The following UBE2F variants were observed in gnomAD, a reference collection of about 807,000 sequenced individuals.
The protein encoded by UBE2F is ubiquitin conjugating enzyme E2 F (putative), also known as NEDD8-conjugating enzyme UBE2F.
A neutral mutation model predicts 29.6 loss-of-function variants in UBE2F; 5 were observed. The ratio of observed to expected loss-of-function variants is 0.17; its 90% CI spans 0.09 to 0.36. The LOEUF is 0.36. Among genes scored for constraint, UBE2F ranks in the 10% least tolerant of loss-of-function variants. The pLI is 1.00. For missense variants in UBE2F, 141 were observed against 228.5 expected (o/e 0.62, Z 2.47); for synonymous variants, 66 against 81.8 (o/e 0.81, Z 1.04).
chr2:237,981,289 G>A (rs2063371251), intron 2 of UBE2F, among the ~76,000 whole-genome samples: 1 of 152,156 alleles, frequency 6.6e-6, no homozygotes, highest in African/African-American at 2.4e-5. Flanking sequence ...TGATGTTAGT[G>A]AATTCTAATT....
chr2:238,034,837 C>T (rs114703917), intron 8 of UBE2F, among the ~76,000 whole-genome samples: 4,037 of 152,190 alleles, frequency 0.027, 172 homozygotes, highest in African/African-American at 0.093. Context: ...ATCCTACAGC[C>T]TGCGTTGGAA....
At chr2:237,973,937 A>G (rs1298905370) in intron 2 of UBE2F, among the ~76,000 whole-genome samples, 2 of 152,144 alleles carry the variant, frequency 1.3e-5, no homozygotes, top group Non-Finnish European at 2.9e-5. Context: ...ATGAAGAAAC[A>G]GTTGCAACCT....
chr2:238,012,477 A>G (rs2064058248), intron 4 of UBE2F, among the ~76,000 whole-genome samples: 1 of 152,224 alleles, frequency 6.6e-6, no homozygotes, highest in Admixed American at 6.5e-5. Context: ...TGAGAGAAAC[A>G]GCAGTATTAT....
At chr2:237,979,373 G>A (rs1453957889) in intron 2 of UBE2F, among the ~76,000 whole-genome samples, 3 of 152,204 alleles carry the variant, frequency 2.0e-5, no homozygotes, top group Non-Finnish European at 4.4e-5. Flanking sequence ...TCACAGGTGG[G>A]ACCCCTCACC....
chr2:237,997,813 C>T (rs759018039), intron 4 of UBE2F, among the ~76,000 whole-genome samples: 30 of 151,996 alleles, frequency 2.0e-4, no homozygotes, highest in Non-Finnish European at 1.6e-4. Context: ...TAGAGAAAAA[C>T]ATGGAAATGT....
chr2:237,974,015 A>G lies in UBE2F; in HGVS notation c.118+790A>G, dbSNP rs143448595. Among the ~76,000 whole-genome samples, 294 of 152,224 alleles carry G rather than the reference A, an allele frequency of 1.9e-3. 2 individuals are homozygous for G. Among genetic ancestry groups the G allele is most frequent in the African/African-American group, 6.7e-3 (278 of 41,532 alleles). On this transcript the variant is annotated intron_variant, in intron 2 of 9. Coordinates refer to ENST00000272930, the MANE Select transcript of UBE2F (RefSeq NM_080678.3). ...TGTATTTTATTTATTTATTTTTTTG[A>G]GACAGAGTCTCACTCTCACCCAGGC...
Position 238,032,228 on chromosome 2 carries a change from G to T in UBE2F, c.418G>T (p.Val140Phe). Reference protein sequence around the residue: ...WAPTRTLKDVVWGLNSLFTDL... With the variant: ...WAPTRTLKDVFWGLNSLFTDL... The stretch of plus-strand genomic sequence containing the variant: ...GTTTTCTTTTTTATTTCAGGATGTC[G>T]TTTGGGGATTAAACTCTTTGTTTAC... The change falls in exon 8 of 10, where the codon GTT becomes TTT. Residue 140 changes from valine (V) to phenylalanine (F), a missense_variant. Val to Phe is a conservative substitution (Grantham distance 50). Coordinates refer to ENST00000272930, the MANE Select transcript of UBE2F (RefSeq NM_080678.3). The T allele has an allele frequency of 6.2e-7, 1 of 1,613,004 alleles. No homozygotes were observed. Among genetic ancestry groups the T allele is most frequent in the East Asian group, 2.2e-5 (1 of 44,872 alleles).
At chr2:238,021,018 G>A (rs1006054372) in intron 5 of UBE2F, among the ~76,000 whole-genome samples, 1 of 152,186 alleles carries the variant, frequency 6.6e-6, no homozygotes, top group Non-Finnish European at 1.5e-5. Context: ...GGAGGAGAGA[G>A]CCTTAGCCCA....
chr2:238,009,443 A>G (rs776117873), intron 4 of UBE2F, among the ~76,000 whole-genome samples: 1 of 152,090 alleles, frequency 6.6e-6, no homozygotes, highest in Non-Finnish European at 1.5e-5. Flanking sequence ...TCTGTGCCTC[A>G]TTTTGGACAG....
chr2:237,986,579 C>A (rs745462470), intron 2 of UBE2F, among the ~76,000 whole-genome samples: 11 of 152,160 alleles, frequency 7.2e-5, no homozygotes, highest in Non-Finnish European at 1.3e-4. Context: ...TCAAAAAAAT[C>A]ATTGCCAAGG....
chr2:237,987,915 A>G, intron 2 of UBE2F, 48 bp from the exon 3 acceptor site: 1 of 1,027,016 alleles, frequency 9.7e-7, no homozygotes, highest in Non-Finnish European at 1.4e-6. Flanking sequence ...TGGTGATTTT[A>G]TGTGGAGTAA....
intron 2 of UBE2F, chr2:237,986,037 G>T: frequency 2.0e-5 from 4 of 196,104 alleles, no homozygotes; most frequent in South Asian, 1.3e-4. Context: ...ATTTTTTTTT[G>T]CTATTGAGTT....
At chr2:238,015,922 A>G (rs558105415) in intron 4 of UBE2F, among the ~76,000 whole-genome samples, 4 of 152,074 alleles carry the variant, frequency 2.6e-5, no homozygotes, top group African/African-American at 7.2e-5. Context: ...GGCGGGGTAA[A>G]GAGGGAGTGG....
intron 4 of UBE2F, among the ~76,000 whole-genome samples, chr2:238,005,956 G>T (rs1217942910): frequency 6.6e-6 from 1 of 152,176 alleles, no homozygotes; most frequent in Non-Finnish European, 1.5e-5. Flanking sequence ...AACTTGCTGA[G>T]ATTTTGATTA....
chr2:237,983,210 A>G lies in UBE2F; in HGVS notation c.119-4753A>G, dbSNP rs767532608. On this transcript the variant is annotated intron_variant, in intron 2 of 9. Transcript: ENST00000272930. Reference sequence around the variant, plus strand: ...TAGGCTCCCAGGGTTGTATTTAGTCACAGAACTTGCTCTATTTCTGATCAT... The same window carrying G: ...TAGGCTCCCAGGGTTGTATTTAGTCGCAGAACTTGCTCTATTTCTGATCAT... Among the ~76,000 whole-genome samples, 9 of 152,318 alleles carry G rather than the reference A, an allele frequency of 5.9e-5. No individual in the cohort carries two copies. In the South Asian group the frequency reaches 1.9e-3, roughly 32 times the overall value.
At chr2:238,000,377 C>G (rs1223729152) in intron 4 of UBE2F, among the ~76,000 whole-genome samples, 4 of 152,030 alleles carry the variant, frequency 2.6e-5, no homozygotes, top group African/African-American at 9.7e-5. Context: ...GATCCTAGAT[C>G]ATTGGTGTGT....
chr2:238,034,969 T>G (rs193249798), intron 8 of UBE2F, among the ~76,000 whole-genome samples: 1 of 152,182 alleles, frequency 6.6e-6, no homozygotes, highest in Admixed American at 6.5e-5. Flanking sequence ...CTTGGCTCAC[T>G]GCAACCTCTG....
At chr2:238,009,584 A>G (rs2063973026) in intron 4 of UBE2F, among the ~76,000 whole-genome samples, 1 of 152,006 alleles carries the variant, frequency 6.6e-6, no homozygotes, top group South Asian at 2.1e-4. Flanking sequence ...TTTCCTCATT[A>G]TGTTCATGTT....
chr2:238,025,559 C>A, intron 6 of UBE2F, 147 bp downstream of exon 6: 2 of 705,246 alleles, frequency 2.8e-6, no homozygotes, highest in Non-Finnish European at 2.5e-6. Context: ...GCTGCGGTTG[C>A]CTGCCTGCTC....
Sources: gnomAD v4.1 joint callset for allele counts (sites outside exome capture counted in the v4.1 genomes callset) on GRCh38, gnomAD v4.1.1 for gene constraint, MANE v1.5 for transcripts, NCBI Gene and HGNC (gene_info 2026-07-23, HGNC 2026-07-21) for gene names.